CCDC91: variants seen among roughly 807,000 people sequenced by gnomAD.
CCDC91 encodes the protein coiled-coil domain containing 91.
In CCDC91, 48 loss-of-function variants were observed where a neutral mutation model predicts 63.2. That is an observed-to-expected ratio of 0.76 (90% CI 0.60 to 0.97). The LOEUF is 0.97. CCDC91 is among the 50% of genes least tolerant of loss of function. The probability of loss-of-function intolerance (pLI) is 0.00; values close to 1 mark genes in which losing one functional copy is unlikely to be tolerated. For missense variants in CCDC91, 500 were observed against 494.6 expected, an observed-to-expected ratio of 1.01 and a Z score of -0.10; for synonymous variants, 167 against 165.8, an observed-to-expected ratio of 1.01 and a Z score of -0.06.
At chr12:28,297,978 G>A (rs1381114916) in intron 3 of CCDC91, among the ~76,000 whole-genome samples, 1 of 151,640 alleles carries the variant, frequency 6.6e-6, no homozygotes, top group Non-Finnish European at 1.5e-5. Context: ...TCTTCTAAGG[G>A]TTGAATGTTA....
intron 6 of CCDC91, among the ~76,000 whole-genome samples, chr12:28,313,984 A>G (rs928581099): frequency 9.9e-5 from 15 of 152,138 alleles, no homozygotes; most frequent in African/African-American, 3.4e-4. Context: ...ATGCTGCCAC[A>G]TTTCTAAAAA....
At chr12:28,325,340 T>C (rs886440365) in intron 6 of CCDC91, among the ~76,000 whole-genome samples, 2 of 152,058 alleles carry the variant, frequency 1.3e-5, no homozygotes, top group African/African-American at 2.4e-5. Context: ...GGTTTATTCA[T>C]ATATTTATTC....
chr12:28,342,545 TA>T (rs773741326), intron 6 of CCDC91, among the ~76,000 whole-genome samples: 5 of 152,178 alleles, frequency 3.3e-5, no homozygotes, highest in African/African-American at 7.2e-5. Flanking sequence ...AAGATTTATT[TA>T]TTTTTTTGCT....
At chr12:28,221,134 T>C (rs1478402102) in intron 1 of CCDC91, among the ~76,000 whole-genome samples, 6 of 152,166 alleles carry the variant, frequency 3.9e-5, no homozygotes, top group South Asian at 2.1e-4. Context: ...TGAATAGTTA[T>C]ACTATTGCTG....
chr12:28,326,154 T>G (rs990509262), intron 6 of CCDC91, among the ~76,000 whole-genome samples: 1 of 152,074 alleles, frequency 6.6e-6, no homozygotes, highest in African/African-American at 2.4e-5. Flanking sequence ...CCTCATTTGT[T>G]CTCTGTGCCA....
intron 7 of CCDC91, among the ~76,000 whole-genome samples, chr12:28,367,266 A>C (rs2066091368): frequency 6.6e-6 from 1 of 152,220 alleles, no homozygotes; most frequent in African/African-American, 2.4e-5. Context: ...TGAAAACAGA[A>C]AATACCCGCA....
intron 1 of CCDC91, among the ~76,000 whole-genome samples, chr12:28,201,045 A>G (rs1942231833): frequency 7.0e-6 from 1 of 142,964 alleles, no homozygotes; most frequent in African/African-American, 2.6e-5. Context: ...CTGGCCGGGC[A>G]GAGGGGCTCC....
At chr12:28,409,224 C>G (rs1947162121) in intron 8 of CCDC91, among the ~76,000 whole-genome samples, 1 of 152,090 alleles carries the variant, frequency 6.6e-6, no homozygotes, top group African/African-American at 2.4e-5. Context: ...CTGTTTTTGT[C>G]AAAGCCCCTT....
chr12:28,462,055 T>G (rs1346139095), intron 11 of CCDC91, among the ~76,000 whole-genome samples: 1 of 152,020 alleles, frequency 6.6e-6, no homozygotes, highest in African/African-American at 2.4e-5. Flanking sequence ...GCTGCAAGTT[T>G]TTTTTTTTTA....
At chr12:28,370,708 T>G (rs1944564983) in intron 7 of CCDC91, among the ~76,000 whole-genome samples, 1 of 152,246 alleles carries the variant, frequency 6.6e-6, no homozygotes, top group Non-Finnish European at 1.5e-5. Flanking sequence ...GGGTAATTTA[T>G]AAAGACAAGA....
intron 8 of CCDC91, among the ~76,000 whole-genome samples, chr12:28,395,012 C>G (rs1016724613): frequency 6.6e-6 from 1 of 152,172 alleles, no homozygotes; most frequent in Non-Finnish European, 1.5e-5. Flanking sequence ...CTTTGTAATT[C>G]TTAGCTAAGA....
chr12:28,538,187 T>C (rs1230537511), intron 12 of CCDC91, among the ~76,000 whole-genome samples: 2 of 151,906 alleles, frequency 1.3e-5, no homozygotes, highest in African/African-American at 4.8e-5. Context: ...ACATGTGCCA[T>C]GTTGGTGTGC....
At chr12:28,203,094 C>G (rs1942586553) in intron 1 of CCDC91, among the ~76,000 whole-genome samples, 1 of 152,134 alleles carries the variant, frequency 6.6e-6, no homozygotes, top group Non-Finnish European at 1.5e-5. Context: ...CTGGTGGCTG[C>G]TAGGCTGCTG....
At chr12:28,491,102 G>T (rs1168896654) in intron 12 of CCDC91, among the ~76,000 whole-genome samples, 1 of 151,292 alleles carries the variant, frequency 6.6e-6, no homozygotes, top group East Asian at 1.9e-4. Flanking sequence ...ATTTTTCATT[G>T]GTTTTTGGGT....
At chr12:28,459,244 A>C (rs1405496788) in intron 11 of CCDC91, among the ~76,000 whole-genome samples, 1 of 152,132 alleles carries the variant, frequency 6.6e-6, no homozygotes, top group Non-Finnish European at 1.5e-5. Flanking sequence ...GATTAAATCA[A>C]GTGCTCCTCT....
chr12:28,486,351 A>C (rs933673797), intron 12 of CCDC91, among the ~76,000 whole-genome samples: 1 of 152,170 alleles, frequency 6.6e-6, no homozygotes, highest in Non-Finnish European at 1.5e-5. Flanking sequence ...TGTTGTACAT[A>C]TATACCACAT....
At chr12:28,496,296 A>G (rs573644311) in intron 12 of CCDC91, among the ~76,000 whole-genome samples, 23 of 151,604 alleles carry the variant, frequency 1.5e-4, no homozygotes, top group Non-Finnish European at 2.7e-4. Flanking sequence ...CCATCCCCCA[A>G]ATTTGGATAC....
At chr12:28,309,484 T>C (rs1348575801) in intron 6 of CCDC91, among the ~76,000 whole-genome samples, 1 of 152,052 alleles carries the variant, frequency 6.6e-6, no homozygotes, top group Non-Finnish European at 1.5e-5. Flanking sequence ...ATCTAAATCC[T>C]GTTCTTCACA....
chr12:28,323,834 AC>A (rs1940745486), intron 6 of CCDC91, among the ~76,000 whole-genome samples: 1 of 151,914 alleles, frequency 6.6e-6, no homozygotes, highest in Non-Finnish European at 1.5e-5. Context: ...TTGTGAAATA[AC>A]ATGACCTGTG....
Sources: gnomAD v4.1 joint callset for allele counts (sites outside exome capture counted in the v4.1 genomes callset) on GRCh38, gnomAD v4.1.1 for gene constraint, MANE v1.5 for transcripts, NCBI Gene and HGNC (gene_info 2026-07-23, HGNC 2026-07-21) for gene names.